Variants in PIK3R3 observed in about 807,000 individuals in gnomAD.
PIK3R3 encodes the protein phosphatidylinositol 3-kinase regulatory subunit gamma.
In PIK3R3, 64 loss-of-function variants were observed where a neutral mutation model predicts 62.9. The ratio of observed to expected loss-of-function variants is 1.02; its 90% CI spans 0.83 to 1.25. The LOEUF (loss-of-function observed/expected upper bound fraction) is 1.25. PIK3R3 is among the 50% of genes most tolerant of loss of function. The pLI is 0.00. For missense variants in PIK3R3, 614 were observed against 561.6 expected, an observed-to-expected ratio of 1.09 and a Z score of -0.94; for synonymous variants, 165 against 189.0, an observed-to-expected ratio of 0.87 and a Z score of 1.04.
In PIK3R3 at chr1:46,062,082, G is replaced by A. The variant is rs1225750338; in HGVS notation, c.622-11C>T. On this transcript the variant is annotated splice_polypyrimidine_tract_variant and intron_variant, in intron 5 of 9. Transcript: ENST00000262741. ...CTTCATCTGTATTTCCTACAGGAGA[G>A]AAAAAGAAAAAACACAGGCTTCATT... 16 of 1,573,346 alleles carry A rather than the reference G, an allele frequency of 1.0e-5. No homozygotes were observed. The Admixed American group carries it at 1.0e-4, about 10-fold the overall frequency.
chr1:46,169,610 A>G, the PIK3R3 span, among the ~76,000 whole-genome samples: 1 of 152,210 alleles, frequency 6.6e-6, no homozygotes, highest in Non-Finnish European at 1.5e-5. Flanking sequence ...CAAAGTTCAC[A>G]CAGCAGGTAT....
At chr1:46,087,147 A>C (rs1651141002) in intron 1 of PIK3R3, among the ~76,000 whole-genome samples, 2 of 152,192 alleles carry the variant, frequency 1.3e-5, no homozygotes, top group Non-Finnish European at 2.9e-5. Context: ...GGATAGCATT[A>C]GGAGATATAC....
intron 1 of PIK3R3, among the ~76,000 whole-genome samples, chr1:46,119,747 G>A (rs1005900249): frequency 3.3e-5 from 5 of 150,642 alleles, no homozygotes; most frequent in Non-Finnish European, 7.4e-5. Context: ...GAGACTACAG[G>A]TATGTGCCAT....
intron 5 of PIK3R3, among the ~76,000 whole-genome samples, chr1:46,062,879 TGGGCTTAAGG>T (rs879268004): frequency 1.3e-5 from 2 of 152,180 alleles, no homozygotes; most frequent in Non-Finnish European, 2.9e-5. Context: ...CTTGAAATCC[TGGGCTTAAGG>T]GATCATTCCA....
intron 1 of PIK3R3, among the ~76,000 whole-genome samples, chr1:46,089,916 T>C (rs1183246056): frequency 1.3e-5 from 2 of 151,806 alleles, no homozygotes; most frequent in Non-Finnish European, 2.9e-5. Context: ...AAGGAATAAA[T>C]AACATCAAAA....
the PIK3R3 span, among the ~76,000 whole-genome samples, chr1:46,171,905 A>G: frequency 6.6e-6 from 1 of 152,068 alleles, no homozygotes; most frequent in Non-Finnish European, 1.5e-5. Context: ...TACTCCCCCA[A>G]CTAGCCAGGT....
chr1:46,045,644 T>TTTTTTTTTTTA (rs370501368), intron 9 of PIK3R3, among the ~76,000 whole-genome samples: 1 of 82,680 alleles, frequency 1.2e-5, no homozygotes, highest in Non-Finnish European at 2.3e-5. Flanking sequence ...TTTTTTTTTT[T>TTTTTTTTTTTA]CAATTTAAGA....
chr1:46,086,078 GA>G (rs1012725904), intron 1 of PIK3R3, among the ~76,000 whole-genome samples: 1 of 152,008 alleles, frequency 6.6e-6, no homozygotes, highest in African/African-American at 2.4e-5. Context: ...AATACAGAAA[GA>G]TATTTTCAAT....
chr1:46,153,070 A>G, the PIK3R3 span, among the ~76,000 whole-genome samples: 1 of 152,188 alleles, frequency 6.6e-6, no homozygotes, highest in East Asian at 1.9e-4. Context: ...AAATTTTCCA[A>G]TGTTATCTTC....
rs1650201226 is a variant in PIK3R3, at chr1:46,077,729, GGTTATA to G, written c.216-122_216-117del. 6.3e-5 allele frequency: 41 copies of G among 654,716 alleles called. No homozygotes were observed. The South Asian group carries it at 7.0e-4, about 11-fold the overall frequency. 40.6% of individuals were successfully genotyped at this position (654,716 alleles called of 1,614,324 possible). ...CAGCTTCGGCAGTAGGTGTGCCTGAGGTTATAGAATAACGGAGCCATTTAGAGGTCA... is the reference window on the plus strand; with the variant it reads ...CAGCTTCGGCAGTAGGTGTGCCTGAGGAATAACGGAGCCATTTAGAGGTCA... On this transcript the variant is annotated intron_variant, in intron 2 of 9. Transcript: ENST00000262741.
the PIK3R3 span, among the ~76,000 whole-genome samples, chr1:46,157,510 G>A: frequency 7.9e-5 from 12 of 152,278 alleles, no homozygotes; most frequent in African/African-American, 2.9e-4. Context: ...AATTTGGGAT[G>A]ATTTTTAATT....
chr1:46,077,622 C>A lies in PIK3R3; in HGVS notation c.216-9G>T. The A allele has an allele frequency of 6.4e-7, 1 of 1,562,312 alleles. No individual in the cohort carries two copies. The highest frequency in any genetic ancestry group is 8.8e-7 in the Non-Finnish European group (1 of 1,133,398). On this transcript the variant is annotated splice_polypyrimidine_tract_variant and intron_variant, in intron 2 of 9. Coordinates refer to ENST00000262741, the MANE Select transcript of PIK3R3 (RefSeq NM_003629.4). ...TGTCATTTACCTCCTCCCTGAAGAACAGAATTATAAGAAAAATGAAAAAAT... is the reference window on the plus strand; with the variant it reads ...TGTCATTTACCTCCTCCCTGAAGAAAAGAATTATAAGAAAAATGAAAAAAT...
At chr1:46,165,751 CTTTTTTTTTTTTTTTTTTTTT>C in the PIK3R3 span, among the ~76,000 whole-genome samples, 4 of 39,540 alleles carry the variant, frequency 1.0e-4, no homozygotes, top group Non-Finnish European at 1.8e-4. Flanking sequence ...CTGCTTTGTC[CTTTTTTTTTTTTTTTTTTTTT>C]TTTTTTTTTT....
rs1045577083 is a variant in PIK3R3, at chr1:46,128,831, A to T, written c.106+3016T>A. On this transcript the variant is annotated intron_variant, in intron 1 of 9. Transcript: ENST00000262741. ...CGCGGGGTCTCACGCCTGTAATCCCAGCACTTTGGGAGGCCGAGGCAGGCA... is the reference window on the plus strand; with the variant it reads ...CGCGGGGTCTCACGCCTGTAATCCCTGCACTTTGGGAGGCCGAGGCAGGCA... Among the ~76,000 whole-genome samples the T allele has an allele frequency of 1.3e-5, 2 of 152,208 alleles. 1 individual carries two copies. The highest frequency in any genetic ancestry group is 2.9e-5 in the Non-Finnish European group (2 of 68,030).
rs117539421 is a variant in PIK3R3 at position 46,052,648 on chromosome 1, C to T, written c.941+3147G>A. Among the ~76,000 whole-genome samples the T allele has an allele frequency of 2.8e-4, 42 of 152,288 alleles. No homozygotes were observed. The East Asian group carries it at 7.9e-3, about 29-fold the overall frequency. Reference sequence around the variant, plus strand: ...TCAAAACCCCCACCATAAATAATCACTATTTTTAATTCTATCATCATAGAT... The same window carrying T: ...TCAAAACCCCCACCATAAATAATCATTATTTTTAATTCTATCATCATAGAT... On this transcript the variant is annotated intron_variant, in intron 7 of 9. Transcript: ENST00000262741.
Position 46,070,101 on chromosome 1 carries a change from G to A in PIK3R3, c.315-3010C>T, listed in dbSNP as rs1208746128. Among the ~76,000 whole-genome samples the A allele has an allele frequency of 5.3e-5, 8 of 152,304 alleles. No individual in the cohort carries two copies. The South Asian group carries it at 1.2e-3, about 24-fold the overall frequency. On this transcript the variant is annotated intron_variant, in intron 3 of 9. Transcript: ENST00000262741. ...GGGCAGAGAAATAGGGAAGTATCTA[G>A]AAAGAGATATAGGGTCAATTATTTA...
At chr1:46,090,062 T>G (rs986345230) in intron 1 of PIK3R3, among the ~76,000 whole-genome samples, 1 of 152,188 alleles carries the variant, frequency 6.6e-6, no homozygotes, top group Non-Finnish European at 1.5e-5. Context: ...GACAGGCAAC[T>G]GATGATTTTG....
intron 3 of PIK3R3, among the ~76,000 whole-genome samples, chr1:46,071,757 A>AGAGAGAGC (rs1230737377): frequency 7.8e-6 from 1 of 128,260 alleles, no homozygotes; most frequent in African/African-American, 3.0e-5. Context: ...AGAGAGAGAG[A>AGAGAGAGC]GAGCGCGCGC....
At chr1:46,081,683 C>T (rs919747784) in intron 1 of PIK3R3, among the ~76,000 whole-genome samples, 8 of 152,100 alleles carry the variant, frequency 5.3e-5, no homozygotes, top group Non-Finnish European at 1.2e-4. Flanking sequence ...GCAACAACAC[C>T]CCAATATGTA....
Sources: allele counts gnomAD v4.1 joint callset (sites outside exome capture counted in the v4.1 genomes callset), GRCh38; gene constraint gnomAD v4.1.1; transcripts MANE v1.5; gene names NCBI Gene and HGNC (gene_info 2026-07-23, HGNC 2026-07-21).